The following OSBP variants were observed in gnomAD, a reference collection of about 807,000 sequenced individuals.
The protein encoded by OSBP is oxysterol binding protein, also known as oxysterol-binding protein 1.
OSBP carries 32 observed loss-of-function variants against 96.6 expected under a neutral mutation model. That is an observed-to-expected ratio of 0.33 (90% confidence interval 0.25 to 0.45). OSBP has a LOEUF of 0.45. Ranked by LOEUF, OSBP falls within the 20% of genes least tolerant of loss-of-function variation. The probability of loss-of-function intolerance (pLI) is 1.00; values close to 1 mark genes in which losing one functional copy is unlikely to be tolerated. For synonymous variants in OSBP, 369 were observed against 389.6 expected (o/e 0.95, Z 0.62); for missense variants, 653 against 1,029.7 (o/e 0.63, Z 5.01).
chr11:59,594,207 G>A lies in OSBP; in HGVS notation c.1360C>T (p.Leu454=), dbSNP rs748680888. 9 of 1,614,016 alleles carry A rather than the reference G, an allele frequency of 5.6e-6. No homozygotes were observed. Among genetic ancestry groups the A allele is most frequent in the Non-Finnish European group, 4.2e-6 (5 of 1,179,890 alleles). The change falls in exon 8 of 14, where the codon CTG becomes TTG. Residue 454 remains leucine (L), a synonymous_variant. Coordinates refer to ENST00000263847, the MANE Select transcript of OSBP (RefSeq NM_002556.3). ...CGGTCTAACAGCTCATGGTATTCCA[G>A]ATCTTCAGTAAGGCGCTGAAGCATG... ...LSMLQRLTED[L]EYHELLDRAA...
chr11:59,581,649 ATATT>A (rs1301007374), intron 9 of OSBP, 95 bp from the exon 10 acceptor site: 2 of 570,164 alleles, frequency 3.5e-6, no homozygotes, highest in Non-Finnish European at 6.6e-6. Flanking sequence ...CCTTCTATTG[ATATT>A]TATTACTTTT....
intron 5 of OSBP, 138 bp downstream of exon 5, chr11:59,601,145 C>T: frequency 1.8e-6 from 1 of 547,710 alleles, no homozygotes; most frequent in Non-Finnish European, 3.1e-6. Flanking sequence ...GGGAAAAGGG[C>T]CCAGATTCAA....
At chr11:59,599,364 CCTGA>C (rs1860692721) in intron 7 of OSBP, among the ~76,000 whole-genome samples, 1 of 152,098 alleles carries the variant, frequency 6.6e-6, no homozygotes, top group Non-Finnish European at 1.5e-5. Flanking sequence ...CCAGAGTTGG[CCTGA>C]GGGCCTTAGT....
intron 9 of OSBP, 128 bp from the exon 10 acceptor site, chr11:59,581,682 C>A: frequency 1.3e-5 from 7 of 541,906 alleles, no homozygotes; most frequent in Admixed American, 9.1e-5. Flanking sequence ...AACAATAAAT[C>A]AAAAAGGACT....
chr11:59,600,188 A>T (rs997097813), intron 7 of OSBP, among the ~76,000 whole-genome samples: 6 of 152,188 alleles, frequency 3.9e-5, no homozygotes, highest in African/African-American at 1.4e-4. Context: ...CTTTTAAACT[A>T]CACACTTCTT....
Position 59,600,497 on chromosome 11 carries a change from G to T in OSBP, c.1310C>A (p.Pro437Gln), listed in dbSNP as rs1215214989. Reference protein sequence around the residue: ...IGKELSKIPMPVNFNEPLSML... With the variant: ...IGKELSKIPMQVNFNEPLSML... ...AGCTCCAGTGTGCAAGAACCTTACC[G>T]GCATGGGGATCTTAGAGAGTTCTTT... The change falls in exon 7 of 14, where the codon CCG (proline) becomes CAG (glutamine). Residue 437 changes from proline to glutamine, a missense_variant and splice_region_variant. Physicochemically the swap from Pro to Gln is moderately conservative, Grantham distance 76. Transcript: ENST00000263847. 1 of 1,613,618 alleles carries T rather than the reference G, an allele frequency of 6.2e-7. No individual in the cohort carries two copies. Among genetic ancestry groups the T allele is most frequent in the Non-Finnish European group, 8.5e-7 (1 of 1,179,888 alleles).
chr11:59,577,777 C>T (rs1265649234), intron 12 of OSBP, among the ~76,000 whole-genome samples: 3 of 152,232 alleles, frequency 2.0e-5, no homozygotes, highest in Non-Finnish European at 4.4e-5. Flanking sequence ...AGGCGTGAGC[C>T]ACCGCACCTG....
chr11:59,609,631 C>A (rs965024467), intron 2 of OSBP, among the ~76,000 whole-genome samples: 1 of 152,020 alleles, frequency 6.6e-6, no homozygotes, highest in Non-Finnish European at 1.5e-5. Context: ...TGGGAAATGA[C>A]AGGGGATAAG....
At chr11:59,582,224 T>G (rs1042787218) in intron 9 of OSBP, among the ~76,000 whole-genome samples, 4 of 152,180 alleles carry the variant, frequency 2.6e-5, no homozygotes, top group Non-Finnish European at 5.9e-5. Context: ...GCTAATAACT[T>G]AGGATGCCAG....
At position 59,594,027 on chromosome 11, in the gene OSBP, G is replaced by A; in HGVS notation, c.1540C>T (p.Arg514Ter). ...ELDRLEENGY[R>*]SLCEQVSHHP... ...TCCTTTACCTGTTCACAGAGGGATC[G>A]GTACCCATTCTCCTCTAATCGGTCC... The change falls in exon 8 of 14, where the codon CGA becomes TGA. Residue 514 changes from arginine to a stop codon, truncating the protein, a stop_gained. Transcript: ENST00000263847. LOFTEE classifies it high-confidence loss of function. 1 of 1,614,050 alleles carries A rather than the reference G, an allele frequency of 6.2e-7. No homozygotes were observed. The highest frequency in any genetic ancestry group is 8.5e-7 in the Non-Finnish European group (1 of 1,180,002).
chr11:59,600,976 C>G (rs1241337039), intron 5 of OSBP, 103 bp from the exon 6 acceptor site: 7 of 900,884 alleles, frequency 7.8e-6, no homozygotes, highest in East Asian at 7.3e-5. Flanking sequence ...ACTGTATAAA[C>G]TTATTGATGG....
At chr11:59,601,862 T>C in intron 3 of OSBP, 24 bp from the exon 4 acceptor site, 1 of 1,607,174 alleles carries the variant, frequency 6.2e-7, no homozygotes, top group Non-Finnish European at 8.5e-7. Context: ...GCGTTGACTG[T>C]GTCAGCTCAA....
rs1335189573 is a variant in OSBP at position 59,608,672 on chromosome 11, G to A, written c.634C>T (p.Arg212Trp). 8 of 1,613,954 alleles carry A rather than the reference G, an allele frequency of 5.0e-6. No homozygotes were observed. Among genetic ancestry groups the A allele is most frequent in the Non-Finnish European group, 5.9e-6 (7 of 1,179,826 alleles). ...TCCTCTACTTTGCTAGAGAGGGTCC[G>A]AAGGGTATTCTGCAGCTCAGTCTTG... ...TDKTELQNTL[R>W]TLSSKVEDLS... Residue 212 changes from arginine to tryptophan, a missense_variant, in exon 3 of 14, where the codon CGG becomes TGG. Coordinates refer to ENST00000263847, the MANE Select transcript of OSBP (RefSeq NM_002556.3).
intron 8 of OSBP, 139 bp downstream of exon 8, chr11:59,593,871 G>C: frequency 1.4e-6 from 2 of 1,411,210 alleles, no homozygotes; most frequent in South Asian, 2.7e-5. Flanking sequence ...GGTCTCCAAC[G>C]CTGACGTTCT....
rs376458975 is a variant in OSBP at position 59,601,273 on chromosome 11, G to T, written c.1124+10C>A. The stretch of plus-strand genomic sequence containing the variant: ...ATGTTTATTTGCTTCAACAATCAAG[G>T]ATAACTCACTTGTGGCCCAAATTTT... On this transcript the variant is annotated intron_variant, in intron 5 of 13. Coordinates refer to ENST00000263847, the MANE Select transcript of OSBP (RefSeq NM_002556.3). The T allele has an allele frequency of 5.4e-6, 8 of 1,484,786 alleles. No homozygotes were observed. Among genetic ancestry groups the T allele is most frequent in the Non-Finnish European group, 6.6e-6 (7 of 1,062,832 alleles). 92.0% of individuals were successfully genotyped at this position (1,484,786 alleles called of 1,614,324 possible).
Position 59,574,838 on chromosome 11 carries a change from A to C in OSBP, c.*1739T>G, listed in dbSNP as rs1400383772. On this transcript the variant is annotated 3_prime_UTR_variant, in exon 14 of 14. Coordinates refer to ENST00000263847, the MANE Select transcript of OSBP (RefSeq NM_002556.3). Reference sequence around the variant, plus strand: ...ATAAAAGTATTAATTTACCCAGTAAAACCAATTTCCCCATAGGGATGGCTT... The same window carrying C: ...ATAAAAGTATTAATTTACCCAGTAACACCAATTTCCCCATAGGGATGGCTT... The C allele has an allele frequency of 6.6e-6, 1 of 152,608 alleles. No individual in the cohort carries two copies. The highest frequency in any genetic ancestry group is 1.5e-5 in the Non-Finnish European group (1 of 68,036). 9.5% of individuals were successfully genotyped at this position (152,608 alleles called of 1,614,324 possible).
chr11:59,593,488 G>A (rs1860610387), intron 9 of OSBP, 116 bp downstream of exon 9: 1 of 1,121,284 alleles, frequency 8.9e-7, no homozygotes, highest in Non-Finnish European at 1.3e-6. Flanking sequence ...GTTAGTGAGG[G>A]TCAGTGCTCG....
chr11:59,601,450 T>C lies in OSBP; in HGVS notation c.1022-65A>G, dbSNP rs931319426. 120 of 1,285,802 alleles carry C rather than the reference T, an allele frequency of 9.3e-5. 1 individual carries two copies. The South Asian group carries it at 9.4e-4, about 10-fold the overall frequency. 79.6% of individuals were successfully genotyped at this position (1,285,802 alleles called of 1,614,324 possible). A position where few individuals can be genotyped will look rare whatever the true frequency, so the allele number is the denominator to read the frequency against. On this transcript the variant is annotated intron_variant, in intron 4 of 13. Transcript: ENST00000263847. ...TTTACCAAATGTCTGATATAGCAAGTTCTTTTAAATACTAACCACAAACAC... is the reference window on the plus strand; with the variant it reads ...TTTACCAAATGTCTGATATAGCAAGCTCTTTTAAATACTAACCACAAACAC...
chr11:59,584,500 A>G (rs1860469370), intron 9 of OSBP, among the ~76,000 whole-genome samples: 2 of 152,224 alleles, frequency 1.3e-5, no homozygotes, highest in Non-Finnish European at 2.9e-5. Context: ...AAAAACTGGT[A>G]AATGCAATAC....
Sources: allele counts gnomAD v4.1 joint callset (sites outside exome capture counted in the v4.1 genomes callset), GRCh38; gene constraint gnomAD v4.1.1; transcripts MANE v1.5; gene names NCBI Gene and HGNC (gene_info 2026-07-23, HGNC 2026-07-21).